Variants in ARL13B observed in about 807,000 individuals in gnomAD.
ARL13B encodes the protein ADP-ribosylation factor-like protein 13B.
Under a neutral mutation model 56.1 loss-of-function variants are expected in ARL13B, and 36 were observed. That is an observed-to-expected ratio of 0.64 (90% CI 0.49 to 0.85). The LOEUF is 0.85. Ranked by LOEUF, ARL13B falls within the 40% of genes least tolerant of loss-of-function variation. The probability of loss-of-function intolerance (pLI) is 0.00; values close to 1 mark genes in which losing one functional copy is unlikely to be tolerated. For missense variants in ARL13B, 519 were observed against 507.1 expected, an observed-to-expected ratio of 1.02 and a Z score of -0.23; for synonymous variants, 178 against 171.1, an observed-to-expected ratio of 1.04 and a Z score of -0.32.
chr3:93,994,499 A>G (rs796827443), intron 1 of ARL13B, among the ~76,000 whole-genome samples: 2 of 147,908 alleles, frequency 1.4e-5, no homozygotes, highest in Non-Finnish European at 3.0e-5. Flanking sequence ...AATTTATCGT[A>G]TTATTAGTGT....
intron 3 of ARL13B, among the ~76,000 whole-genome samples, chr3:94,033,381 G>A (rs1442214477): frequency 1.3e-5 from 2 of 150,192 alleles, no homozygotes; most frequent in African/African-American, 5.0e-5. Flanking sequence ...AAATTTATAG[G>A]ATTTTTTTTT....
At chr3:93,989,174 T>C (rs998589740) in intron 1 of ARL13B, among the ~76,000 whole-genome samples, 8 of 152,246 alleles carry the variant, frequency 5.3e-5, no homozygotes, top group African/African-American at 1.9e-4. Context: ...ATTACATTCT[T>C]TAATATGAAC....
chr3:94,042,947 TC>T (rs1355427290), intron 6 of ARL13B, 67 bp from the exon 7 acceptor site: 6 of 1,314,204 alleles, frequency 4.6e-6, no homozygotes, highest in Non-Finnish European at 6.3e-6. Flanking sequence ...GTATTTGATT[TC>T]CTCTCCCTTA....
rs199847439 is a variant in ARL13B at position 94,036,572 on chromosome 3, G to T, written c.507G>T (p.Ser169=). The T allele has an allele frequency of 6.2e-7, 1 of 1,613,910 alleles. No individual in the cohort carries two copies. The highest frequency in any genetic ancestry group is 8.5e-7 in the Non-Finnish European group (1 of 1,179,970). Residue 169 remains serine, a synonymous_variant, in exon 5 of 10, where the codon TCG becomes TCT. Coordinates refer to ENST00000394222, the MANE Select transcript of ARL13B (RefSeq NM_001174150.2). ...TTTAGGAACCATGTTCAGCAATCTC[G>T]GGGTATGGAAAGAAAATTGACAAGT... is the stretch of plus-strand genomic sequence containing the variant. ...LCQIEPCSAI[S]GYGKKIDKSI...
intron 1 of ARL13B, among the ~76,000 whole-genome samples, chr3:93,995,552 G>C (rs1282615416): frequency 6.6e-6 from 1 of 152,118 alleles, no homozygotes; most frequent in East Asian, 1.9e-4. Flanking sequence ...CTTTAGCCAT[G>C]ATAGAGAACT....
intron 1 of ARL13B, among the ~76,000 whole-genome samples, chr3:93,982,578 T>G (rs1389600854): frequency 6.6e-6 from 1 of 152,218 alleles, no homozygotes; most frequent in Non-Finnish European, 1.5e-5. Flanking sequence ...TTTTTTACTT[T>G]TTAAAAAATG....
rs752924741 is a variant in ARL13B at position 93,980,395 on chromosome 3, A to T, written c.-29A>T. The T allele has an allele frequency of 3.7e-6, 6 of 1,610,400 alleles. No homozygotes were observed. The highest frequency in any genetic ancestry group is 5.1e-6 in the Non-Finnish European group (6 of 1,179,892). On this transcript the variant is annotated 5_prime_UTR_variant, in exon 1 of 10. It removes an upstream start codon present in the reference 5' UTR. Coordinates refer to ENST00000394222, the MANE Select transcript of ARL13B (RefSeq NM_001174150.2). The stretch of plus-strand genomic sequence containing the variant: ...GTGCCGGTGTCCGCTCCGGGCTCGG[A>T]TGGGAAGTGGTGGGAGGAGCGACCC...
At chr3:94,053,116 A>C in intron 9 of ARL13B, 71 bp from the exon 10 acceptor site, 1 of 1,254,960 alleles carries the variant, frequency 8.0e-7, no homozygotes, top group Non-Finnish European at 1.1e-6. Flanking sequence ...AGTCTAAAAA[A>C]TAATGAACTG....
intron 3 of ARL13B, among the ~76,000 whole-genome samples, chr3:94,008,168 G>A (rs1362063407): frequency 6.6e-6 from 1 of 152,082 alleles, no homozygotes; most frequent in Non-Finnish European, 1.5e-5. Context: ...AAAAATAAAT[G>A]CCATGCAAAC....
intron 1 of ARL13B, among the ~76,000 whole-genome samples, chr3:93,989,417 G>A (rs1710630453): frequency 6.6e-6 from 1 of 152,152 alleles, no homozygotes; most frequent in African/African-American, 2.4e-5. Flanking sequence ...GCCGGGGATG[G>A]TTGTGAAGGG....
chr3:94,032,778 A>G (rs915777577), intron 3 of ARL13B, among the ~76,000 whole-genome samples: 2 of 152,182 alleles, frequency 1.3e-5, no homozygotes, highest in Admixed American at 6.5e-5. Context: ...TTACAGGCGT[A>G]AGCCACCGTG....
intron 7 of ARL13B, among the ~76,000 whole-genome samples, chr3:94,043,756 C>G (rs549193595): frequency 6.4e-4 from 87 of 136,486 alleles, no homozygotes; most frequent in African/African-American, 2.4e-3. Context: ...GCCTCGGGCT[C>G]CTGTGATTCT....
intron 2 of ARL13B, among the ~76,000 whole-genome samples, chr3:93,997,115 G>T (rs1468986788): frequency 2.6e-5 from 4 of 151,870 alleles, no homozygotes; most frequent in Admixed American, 2.0e-4. Context: ...CAAGCTTGGG[G>T]TCCCACTGAT....
rs33944211 is a variant in ARL13B, at chr3:94,049,424, C to G, written c.1043C>G (p.Thr348Ser). 0.11 allele frequency: 168,754 copies of G among 1,601,378 alleles called. 9,697 individuals carry two copies. The highest frequency in any genetic ancestry group is 0.15 in the Middle Eastern group (917 of 6,026). The change falls in exon 8 of 10, where the codon ACT becomes AGT. Residue 348 changes from threonine to serine, a missense_variant. Coordinates refer to ENST00000394222, the MANE Select transcript of ARL13B (RefSeq NM_001174150.2). ...CTTGTAGCTAATGGTAAAAAGAAAACTAAGAAACTAAGAATGAAAAGGAAC... is the reference window on the plus strand; with the variant it reads ...CTTGTAGCTAATGGTAAAAAGAAAAGTAAGAAACTAAGAATGAAAAGGAAC... Reference protein sequence around the residue: ...SLESANGKKKTKKLRMKRNHR... With the variant: ...SLESANGKKKSKKLRMKRNHR...
intron 1 of ARL13B, among the ~76,000 whole-genome samples, chr3:93,982,231 A>G (rs1710257188): frequency 1.3e-5 from 2 of 152,218 alleles, no homozygotes; most frequent in Admixed American, 1.3e-4. Context: ...AGGAGAATGT[A>G]TTGATTTCCA....
chr3:94,034,488 T>C (rs2076733372), intron 3 of ARL13B, among the ~76,000 whole-genome samples: 1 of 151,866 alleles, frequency 6.6e-6, no homozygotes, highest in African/African-American at 2.4e-5. Flanking sequence ...GTGTCCAGTT[T>C]GTCTCTAATT....
At chr3:94,002,376 G>A (rs1367172148) in intron 2 of ARL13B, among the ~76,000 whole-genome samples, 1 of 152,056 alleles carries the variant, frequency 6.6e-6, no homozygotes, top group African/African-American at 2.4e-5. Context: ...CACCACATAT[G>A]GCTTTTGAAC....
intron 1 of ARL13B, among the ~76,000 whole-genome samples, chr3:93,987,649 C>G (rs1710532771): frequency 6.9e-6 from 1 of 145,650 alleles, no homozygotes; most frequent in Non-Finnish European, 1.6e-5. Context: ...TAGAAAACCT[C>G]TATTGTAATT....
At chr3:93,990,316 G>A (rs545231456) in intron 1 of ARL13B, among the ~76,000 whole-genome samples, 9 of 152,014 alleles carry the variant, frequency 5.9e-5, no homozygotes, top group African/African-American at 2.2e-4. Context: ...CCCAGTTTGA[G>A]TATCTCTTAG....
Sources: gnomAD v4.1 joint callset for allele counts (sites outside exome capture counted in the v4.1 genomes callset) on GRCh38, gnomAD v4.1.1 for gene constraint, MANE v1.5 for transcripts, NCBI Gene and HGNC (gene_info 2026-07-23, HGNC 2026-07-21) for gene names.